The following IMPA2 variants were observed in gnomAD, a reference collection of about 807,000 sequenced individuals.
IMPA2 encodes the protein inositol monophosphatase 2.
Under a neutral mutation model 35.1 loss-of-function variants are expected in IMPA2, and 32 were observed. The ratio of observed to expected loss-of-function variants is 0.91; its 90% CI spans 0.69 to 1.23. IMPA2 has a LOEUF of 1.23. Ranked by LOEUF, IMPA2 falls within the 50% of genes most tolerant of loss-of-function variation. The probability of loss-of-function intolerance (pLI) is 0.00; values close to 1 mark genes in which losing one functional copy is unlikely to be tolerated. For missense variants in IMPA2, 334 were observed against 387.6 expected (o/e 0.86, Z 1.16); for synonymous variants, 135 against 160.6 (o/e 0.84, Z 1.20).
intron 2 of IMPA2, among the ~76,000 whole-genome samples, chr18:12,004,779 C>T (rs906227764): frequency 6.6e-6 from 1 of 152,182 alleles, no homozygotes. Flanking sequence ...CCCACCTCAG[C>T]CTCCCAAAGT....
rs68185380 is a variant in IMPA2, at chr18:12,022,528, A to AAATATATATATATATATATATATATAT, written c.491-5514_491-5513insATATATATATATATATATATATATATA. 4.3e-3 allele frequency among the ~76,000 whole-genome samples: 416 copies of AAATATATATATATATATATATATATAT among 96,708 alleles called. 27 individuals are homozygous for AAATATATATATATATATATATATATAT. The highest frequency in any genetic ancestry group is 5.4e-3 in the Middle Eastern group (1 of 184). The allele number at this position is 96,708 out of a possible 152,430, so 63.4% of individuals were successfully genotyped here. A position where few individuals can be genotyped will look rare whatever the true frequency, so the allele number is the denominator to read the frequency against. Reference sequence around the variant, plus strand: ...CAGAATGGGGCTCCATCTCAAAAAGAATATATATATATATATATATATATA... The same window carrying AAATATATATATATATATATATATATAT: ...CAGAATGGGGCTCCATCTCAAAAAGAAATATATATATATATATATATATATATATATATATATATATATATATATATA... On this transcript the variant is annotated intron_variant, in intron 5 of 7. Transcript: ENST00000269159.
intron 2 of IMPA2, among the ~76,000 whole-genome samples, chr18:12,007,172 C>T (rs905537631): frequency 1.3e-5 from 2 of 152,128 alleles, no homozygotes; most frequent in African/African-American, 2.4e-5. Context: ...CCTGCTGTTG[C>T]CTCTCAGCAT....
At position 12,014,201 on chromosome 18, in the gene IMPA2, T is replaced by C; in HGVS notation, c.382-64T>C. 9.8e-6 allele frequency: 11 copies of C among 1,126,386 alleles called. No individual in the cohort carries two copies. The South Asian group carries it at 1.3e-4, about 13-fold the overall frequency. The allele number at this position is 1,126,386 out of a possible 1,614,324, so 69.8% of individuals were successfully genotyped here. A position where few individuals can be genotyped will look rare whatever the true frequency, so the allele number is the denominator to read the frequency against. Reference sequence around the variant, plus strand: ...CGCAGCCTTCATCTTTGAATAACAATGTTTTTTCCCACATCAAACGAGTGA... The same window carrying C: ...CGCAGCCTTCATCTTTGAATAACAACGTTTTTTCCCACATCAAACGAGTGA... On this transcript the variant is annotated intron_variant, in intron 4 of 7. Transcript: ENST00000269159.
At chr18:11,996,916 C>T (rs1906974124) in intron 1 of IMPA2, among the ~76,000 whole-genome samples, 1 of 151,302 alleles carries the variant, frequency 6.6e-6, no homozygotes, top group African/African-American at 2.4e-5. Flanking sequence ...ACACACATAC[C>T]CTGCATCTTC....
chr18:12,028,548 CACTT>C (rs1004853394), intron 6 of IMPA2: 53 of 468,274 alleles, frequency 1.1e-4, no homozygotes, highest in African/African-American at 1.0e-3. Context: ...AGACCACTGA[CACTT>C]AATGTCACGT....
chr18:12,012,452 G>A (rs2028624), intron 4 of IMPA2: 111,907 of 556,478 alleles, frequency 0.2, 14,877 homozygotes, highest in African/African-American at 0.49. Flanking sequence ...GGCTGGCCTC[G>A]TGTCAACCGT....
intron 7 of IMPA2, 133 bp from the exon 8 acceptor site, chr18:12,030,210 T>G: frequency 1.5e-6 from 1 of 673,658 alleles, no homozygotes; most frequent in Non-Finnish European, 2.6e-6. Context: ...ACCTGTTTAA[T>G]ACGAGTGTTG....
chr18:11,984,780 A>G (rs929247454), intron 1 of IMPA2, among the ~76,000 whole-genome samples: 1 of 151,966 alleles, frequency 6.6e-6, no homozygotes, highest in Non-Finnish European at 1.5e-5. Flanking sequence ...ATCCTGGCTA[A>G]CACGGTGAAA....
intron 5 of IMPA2, among the ~76,000 whole-genome samples, chr18:12,016,425 C>CCTT (rs1555646440): frequency 3.0e-5 from 4 of 132,388 alleles, no homozygotes; most frequent in African/African-American, 1.2e-4. Context: ...GATTCTGCCG[C>CCTT]TTTTTTTTTT....
chr18:11,987,209 C>T (rs1906691556), intron 1 of IMPA2, among the ~76,000 whole-genome samples: 1 of 152,214 alleles, frequency 6.6e-6, no homozygotes, highest in Non-Finnish European at 1.5e-5. Context: ...CACCAGAATA[C>T]GCATTTCTAA....
intron 5 of IMPA2, among the ~76,000 whole-genome samples, chr18:12,019,506 G>A (rs1431005053): frequency 2.8e-4 from 41 of 148,864 alleles, no homozygotes. Flanking sequence ...GACCTGAAGT[G>A]ATCCACCCAC....
intron 1 of IMPA2, among the ~76,000 whole-genome samples, chr18:11,983,019 T>G (rs1906551497): frequency 6.6e-6 from 1 of 152,222 alleles, no homozygotes; most frequent in African/African-American, 2.4e-5. Flanking sequence ...GCAAATCCTC[T>G]AATCCTGTTT....
chr18:12,008,878 A>G (rs1907353967), intron 2 of IMPA2, among the ~76,000 whole-genome samples: 1 of 152,160 alleles, frequency 6.6e-6, no homozygotes, highest in Non-Finnish European at 1.5e-5. Flanking sequence ...TTGTTTGCAG[A>G]GGGACTCATT....
At position 12,008,839 on chromosome 18, in the gene IMPA2, G is replaced by A. The variant is rs537454246; in HGVS notation, c.231-1044G>A. Reference sequence around the variant, plus strand: ...CGGTCAGGTTCCTAGCAGGACAGACGCACACTCAAGTGAGGATTGTAGGGG... The same window carrying A: ...CGGTCAGGTTCCTAGCAGGACAGACACACACTCAAGTGAGGATTGTAGGGG... On this transcript the variant is annotated intron_variant, in intron 2 of 7. Transcript: ENST00000269159. Among the ~76,000 whole-genome samples the A allele has an allele frequency of 3.0e-4, 45 of 152,196 alleles. 1 individual carries two copies. Among genetic ancestry groups the A allele is most frequent in the African/African-American group, 9.1e-4 (38 of 41,562 alleles).
chr18:11,987,728 G>A (rs1442905457), intron 1 of IMPA2, among the ~76,000 whole-genome samples: 3 of 152,150 alleles, frequency 2.0e-5, no homozygotes, highest in Admixed American at 2.0e-4. Flanking sequence ...GATTATGTGT[G>A]CATTTCTGTT....
rs114072538 is a variant in IMPA2, at chr18:11,991,420, A to T, written c.97-7634A>T. Among the ~76,000 whole-genome samples the T allele has an allele frequency of 5.1e-3, 780 of 152,258 alleles. 6 individuals are homozygous for T. Among genetic ancestry groups the T allele is most frequent in the African/African-American group, 0.018 (748 of 41,536 alleles). On this transcript the variant is annotated intron_variant, in intron 1 of 7. Coordinates refer to ENST00000269159, the MANE Select transcript of IMPA2 (RefSeq NM_014214.3). The surrounding 1 kb of genome is among the most constrained non-coding windows in gnomAD (Gnocchi z 4.1). ...CTTCCTCCCAGGGTTGAGGTTGTACAGAGATTTGTGACGCATCAACAGCTG... is the reference window on the plus strand; with the variant it reads ...CTTCCTCCCAGGGTTGAGGTTGTACTGAGATTTGTGACGCATCAACAGCTG...
chr18:12,028,387 A>T, intron 6 of IMPA2: 1 of 535,444 alleles, frequency 1.9e-6, no homozygotes, highest in Non-Finnish European at 3.3e-6. Flanking sequence ...AATCCATGGA[A>T]CTGACCTCAT....
chr18:12,011,862 T>C (rs73946217), intron 3 of IMPA2, among the ~76,000 whole-genome samples: 2,556 of 152,330 alleles, frequency 0.017, 58 homozygotes, highest in African/African-American at 0.044. Context: ...CCTTTAGGTC[T>C]GGAGAACCAG....
At chr18:12,013,082 T>G (rs1227082807) in intron 4 of IMPA2, among the ~76,000 whole-genome samples, 1 of 152,208 alleles carries the variant, frequency 6.6e-6, no homozygotes, top group Non-Finnish European at 1.5e-5. Context: ...GAGCAGTACT[T>G]CAGGGGTTGA....
Sources: allele counts gnomAD v4.1 joint callset (sites outside exome capture counted in the v4.1 genomes callset), GRCh38; gene constraint gnomAD v4.1.1; non-coding constraint Gnocchi (gnomAD v3.1); transcripts MANE v1.5; gene names NCBI Gene and HGNC (gene_info 2026-07-23, HGNC 2026-07-21).